Variants in PHF21B observed in about 807,000 individuals in gnomAD.
The protein encoded by PHF21B is PHD finger protein 4.
A neutral mutation model predicts 62.2 loss-of-function variants in PHF21B; 22 were observed. The ratio of observed to expected loss-of-function variants is 0.35; its 90% CI spans 0.25 to 0.51. The LOEUF is 0.51. PHF21B is among the 20% of genes least tolerant of loss of function. PHF21B has a pLI of 0.97. For missense variants in PHF21B, 701 were observed against 707.9 expected (o/e 0.99, Z 0.11); for synonymous variants, 341 against 314.7 (o/e 1.08, Z -0.88).
chr22:44,905,774 ACCCG>A (rs1253885630), intron 5 of PHF21B, among the ~76,000 whole-genome samples: 8 of 152,060 alleles, frequency 5.3e-5, no homozygotes, highest in Non-Finnish European at 1.2e-4. Flanking sequence ...GACTACAGGC[ACCCG>A]CCACCAGGCC....
intron 3 of PHF21B, among the ~76,000 whole-genome samples, chr22:44,918,989 T>C (rs1470073095): frequency 6.6e-6 from 1 of 152,152 alleles, no homozygotes; most frequent in Non-Finnish European, 1.5e-5. Flanking sequence ...CCTCCCTCAG[T>C]GCTTTGACTC....
At chr22:44,915,166 CTG>C (rs2147300218) in intron 4 of PHF21B, among the ~76,000 whole-genome samples, 1 of 152,238 alleles carries the variant, frequency 6.6e-6, no homozygotes, top group East Asian at 1.9e-4. Flanking sequence ...CCCAAAATCT[CTG>C]TATGGAAGAA....
chr22:44,913,744 T>C, intron 5 of PHF21B, 78 bp downstream of exon 5: 9 of 1,494,586 alleles, frequency 6.0e-6, no homozygotes, highest in Non-Finnish European at 8.0e-6. Flanking sequence ...AGTGAGGCCA[T>C]CCCCGCTATA....
intron 2 of PHF21B, among the ~76,000 whole-genome samples, chr22:44,963,286 ACAC>A (rs1204904734): frequency 6.6e-6 from 1 of 152,266 alleles, no homozygotes. Context: ...CGCCACGCTC[ACAC>A]CACTGCAGCG....
chr22:44,883,695 G>T (rs2070778143), intron 12 of PHF21B, among the ~76,000 whole-genome samples: 1 of 152,116 alleles, frequency 6.6e-6, no homozygotes, highest in African/African-American at 2.4e-5. Context: ...GTGTGGTGCT[G>T]CACAACACAC....
At chr22:44,903,480 A>C (rs1389238649) in intron 5 of PHF21B, among the ~76,000 whole-genome samples, 1 of 151,838 alleles carries the variant, frequency 6.6e-6, no homozygotes, top group Non-Finnish European at 1.5e-5. Context: ...TGAAGAAAAA[A>C]ATTCTTGTTG....
intron 2 of PHF21B, among the ~76,000 whole-genome samples, chr22:44,949,996 G>A (rs750763172): frequency 5.3e-5 from 8 of 152,196 alleles, no homozygotes; most frequent in East Asian, 3.8e-4. Context: ...ATGACACAGC[G>A]TGTGGACTCA....
intron 2 of PHF21B, among the ~76,000 whole-genome samples, chr22:44,984,260 TCAC>T (rs1355586871): frequency 2.5e-5 from 1 of 39,550 alleles, no homozygotes; most frequent in Non-Finnish European, 5.6e-5. Flanking sequence ...ACCATCATCA[TCAC>T]CATCACCACC....
At chr22:44,967,217 CTTTTTTTTTT>C (rs34434030) in intron 2 of PHF21B, 1 of 84,744 alleles carries the variant, frequency 1.2e-5, no homozygotes, top group Non-Finnish European at 2.3e-5. Context: ...AGGCCTTTTA[CTTTTTTTTTT>C]TTTTTTTTTT....
intron 2 of PHF21B, among the ~76,000 whole-genome samples, chr22:44,959,891 T>A (rs1395661897): frequency 1.3e-5 from 2 of 152,184 alleles, no homozygotes; most frequent in African/African-American, 4.8e-5. Flanking sequence ...GGGCAGGGGC[T>A]GAGCCAAACG....
chr22:44,973,090 C>T (rs1471655598), intron 2 of PHF21B, among the ~76,000 whole-genome samples: 1 of 152,172 alleles, frequency 6.6e-6, no homozygotes, highest in Non-Finnish European at 1.5e-5. Flanking sequence ...ATGACTGACT[C>T]CCCACCCCCA....
intron 5 of PHF21B, among the ~76,000 whole-genome samples, chr22:44,906,258 G>A (rs551259566): frequency 5.9e-5 from 9 of 152,310 alleles, no homozygotes; most frequent in Admixed American, 3.3e-4. Context: ...CCTGATGGAC[G>A]GGGTGCTTGG....
intron 5 of PHF21B, among the ~76,000 whole-genome samples, chr22:44,908,947 G>A (rs2071298870): frequency 6.6e-6 from 1 of 152,180 alleles, no homozygotes; most frequent in South Asian, 2.1e-4. Flanking sequence ...ACAGCTGTGT[G>A]GCACCATGCC....
chr22:44,905,624 GT>G (rs1012845025), intron 5 of PHF21B, among the ~76,000 whole-genome samples: 1 of 151,614 alleles, frequency 6.6e-6, no homozygotes, highest in Non-Finnish European at 1.5e-5. Flanking sequence ...ATTTCTTTTT[GT>G]TTTTTTGTTT....
chr22:44,961,899 T>C (rs951808744), intron 2 of PHF21B, among the ~76,000 whole-genome samples: 13 of 150,132 alleles, frequency 8.7e-5, no homozygotes, highest in Admixed American at 5.4e-4. Flanking sequence ...TAAATAAGTA[T>C]AATGACCTCC....
intron 2 of PHF21B, among the ~76,000 whole-genome samples, chr22:44,993,732 T>G (rs541538925): frequency 5.2e-5 from 8 of 152,384 alleles, no homozygotes; most frequent in Admixed American, 5.2e-4. Context: ...GGAAGCTGTG[T>G]GTGCACCCAG....
chr22:44,946,125 G>A (rs971229351), intron 2 of PHF21B, among the ~76,000 whole-genome samples: 1 of 152,206 alleles, frequency 6.6e-6, no homozygotes, highest in Admixed American at 6.5e-5. Context: ...GGGGCTGGGA[G>A]GCCTGCTGGA....
intron 2 of PHF21B, among the ~76,000 whole-genome samples, chr22:44,944,175 T>G (rs910457718): frequency 2.6e-5 from 4 of 152,202 alleles, no homozygotes; most frequent in African/African-American, 9.7e-5. Context: ...ATCCAGTGGC[T>G]TCCACCTATG....
intron 12 of PHF21B, among the ~76,000 whole-genome samples, chr22:44,884,401 TCACCAC>T (rs1283703754): frequency 5.8e-5 from 1 of 17,208 alleles, no homozygotes; most frequent in Non-Finnish European, 1.5e-4. Context: ...ATGAGCACCA[TCACCAC>T]CATCACCACC....
Sources: gnomAD v4.1 joint callset for allele counts (sites outside exome capture counted in the v4.1 genomes callset) on GRCh38, gnomAD v4.1.1 for gene constraint, MANE v1.5 for transcripts, NCBI Gene and HGNC (gene_info 2026-07-23, HGNC 2026-07-21) for gene names.